Variants in LSAMP observed in about 807,000 individuals in gnomAD.
LSAMP encodes limbic system associated membrane protein, also known as limbic system-associated membrane protein.
Under a neutral mutation model 38.6 loss-of-function variants are expected in LSAMP, and 7 were observed. That is an observed-to-expected ratio of 0.18 (90% CI 0.10 to 0.34). LSAMP has a LOEUF of 0.34. Ranked by LOEUF, LSAMP falls within the 10% of genes least tolerant of loss-of-function variation. LSAMP has a pLI of 1.00. For synonymous variants in LSAMP, 154 were observed against 166.8 expected, an observed-to-expected ratio of 0.92 and a Z score of 0.59; for missense variants, 313 against 420.0, an observed-to-expected ratio of 0.75 and a Z score of 2.23.
intron 6 of LSAMP, among the ~76,000 whole-genome samples, chr3:115,810,771 T>C (rs139909948): frequency 4.2e-4 from 64 of 152,284 alleles, no homozygotes; most frequent in Middle Eastern, 6.8e-3. Context: ...CCAGCACTCG[T>C]TAAGGTTCCA....
intron 2 of LSAMP, among the ~76,000 whole-genome samples, chr3:116,079,951 G>A (rs1707836585): frequency 6.6e-6 from 1 of 152,110 alleles, no homozygotes; most frequent in South Asian, 2.1e-4. Flanking sequence ...ATAATTTATA[G>A]TGGCTTATGG....
intron 1 of LSAMP, among the ~76,000 whole-genome samples, chr3:116,353,042 T>C (rs1412202880): frequency 6.6e-6 from 1 of 152,036 alleles, no homozygotes; most frequent in African/African-American, 2.4e-5. Flanking sequence ...ACCCTTAGAG[T>C]TTTCTCATTT....
chr3:116,174,863 A>C (rs1054143497), intron 1 of LSAMP, among the ~76,000 whole-genome samples: 3 of 151,886 alleles, frequency 2.0e-5, no homozygotes, highest in Non-Finnish European at 4.4e-5. Context: ...TCTCTTTTCC[A>C]TCCTTGTCTT....
At chr3:116,264,679 G>A (rs1054345338) in intron 1 of LSAMP, among the ~76,000 whole-genome samples, 3 of 152,150 alleles carry the variant, frequency 2.0e-5, no homozygotes, top group Non-Finnish European at 4.4e-5. Context: ...ATGGCTCTCT[G>A]CAGCCTCAAG....
In LSAMP at chr3:116,183,849, A is replaced by G. The variant is rs116006696; in HGVS notation, c.156-97293T>C. ...TTAGGACACATTTTGAGGAAGAACC[A>G]GTAGGACACATCAGAGTAGAGAGAA... On this transcript the variant is annotated intron_variant, in intron 1 of 6. Transcript: ENST00000490035. Among the ~76,000 whole-genome samples, 583 of 152,030 alleles carry G rather than the reference A, an allele frequency of 3.8e-3. 7 individuals are homozygous for G. The highest frequency in any genetic ancestry group is 0.013 in the African/African-American group (523 of 41,534).
chr3:115,856,584 A>G (rs984262230), intron 3 of LSAMP, among the ~76,000 whole-genome samples: 10 of 151,190 alleles, frequency 6.6e-5, no homozygotes, highest in Non-Finnish European at 1.5e-4. Context: ...GAGCCACTGC[A>G]CTCCAGCCTG....
chr3:116,244,361 A>T (rs965048144), intron 1 of LSAMP, among the ~76,000 whole-genome samples: 7 of 152,152 alleles, frequency 4.6e-5, no homozygotes, highest in Non-Finnish European at 8.8e-5. Context: ...CTAATCCTTC[A>T]TCATGTCCTG....
intron 1 of LSAMP, among the ~76,000 whole-genome samples, chr3:116,254,578 G>T (rs1373834322): frequency 6.6e-6 from 1 of 152,180 alleles, no homozygotes; most frequent in African/African-American, 2.4e-5. Flanking sequence ...TATTAACACC[G>T]TTTTGTTTCA....
chr3:116,440,433 C>T (rs946964048), intron 1 of LSAMP, among the ~76,000 whole-genome samples: 3 of 152,190 alleles, frequency 2.0e-5, no homozygotes, highest in South Asian at 2.1e-4. Context: ...ACCTTTGGTT[C>T]TTTCCACAAT....
At chr3:116,133,913 T>G (rs1227399654) in intron 1 of LSAMP, among the ~76,000 whole-genome samples, 2 of 152,168 alleles carry the variant, frequency 1.3e-5, no homozygotes, top group African/African-American at 2.4e-5. Context: ...AATTTGGATA[T>G]TGACTTATGA....
intron 1 of LSAMP, among the ~76,000 whole-genome samples, chr3:116,353,467 G>C (rs891332516): frequency 6.6e-5 from 10 of 151,984 alleles, no homozygotes; most frequent in Non-Finnish European, 2.9e-5. Context: ...TTTTTTAAAA[G>C]GACCATGCAC....
chr3:116,133,422 T>A (rs1576384117), intron 1 of LSAMP, among the ~76,000 whole-genome samples: 1 of 152,068 alleles, frequency 6.6e-6, no homozygotes, highest in Non-Finnish European at 1.5e-5. Context: ...TCCAAGTAAC[T>A]AGGACCACAA....
intron 1 of LSAMP, among the ~76,000 whole-genome samples, chr3:116,186,759 G>C (rs1241698331): frequency 1.3e-5 from 2 of 151,892 alleles, no homozygotes; most frequent in Non-Finnish European, 2.9e-5. Context: ...TCTACTTGTG[G>C]CTTCTCTTCC....
chr3:115,857,446 G>C (rs772400563), intron 3 of LSAMP, among the ~76,000 whole-genome samples: 19 of 152,192 alleles, frequency 1.2e-4, no homozygotes, highest in Non-Finnish European at 1.5e-4. Context: ...TATGGTTTAA[G>C]TTCTCTGGTA....
At chr3:116,016,117 A>G (rs1940475551) in intron 3 of LSAMP, among the ~76,000 whole-genome samples, 1 of 152,050 alleles carries the variant, frequency 6.6e-6, no homozygotes, top group Admixed American at 6.6e-5. Context: ...CTTGTTTGTA[A>G]TCTCCAAGAA....
At chr3:115,831,636 C>T (rs900084697) in intron 6 of LSAMP, among the ~76,000 whole-genome samples, 2 of 152,096 alleles carry the variant, frequency 1.3e-5, no homozygotes, top group African/African-American at 4.8e-5. Flanking sequence ...GAAAAGTTCC[C>T]CCAGACATTG....
chr3:116,213,526 C>T (rs1341068605), intron 1 of LSAMP, among the ~76,000 whole-genome samples: 1 of 152,146 alleles, frequency 6.6e-6, no homozygotes, highest in African/African-American at 2.4e-5. Context: ...TCTTTATCAG[C>T]AGCATGAAAG....
chr3:116,359,409 T>C (rs1023647387), intron 1 of LSAMP, among the ~76,000 whole-genome samples: 4 of 152,168 alleles, frequency 2.6e-5, no homozygotes, highest in Non-Finnish European at 4.4e-5. Context: ...TGGAATCATA[T>C]CCAGACCAAC....
At chr3:116,018,246 A>G (rs1174899357) in intron 3 of LSAMP, among the ~76,000 whole-genome samples, 1 of 152,162 alleles carries the variant, frequency 6.6e-6, no homozygotes, top group African/African-American at 2.4e-5. Context: ...CCGCCTAAAT[A>G]TAAAACCATT....
Sources: allele counts gnomAD v4.1 joint callset (sites outside exome capture counted in the v4.1 genomes callset), GRCh38; gene constraint gnomAD v4.1.1; transcripts MANE v1.5; gene names NCBI Gene and HGNC (gene_info 2026-07-23, HGNC 2026-07-21).